TANC2: variants seen among roughly 807,000 people sequenced by gnomAD.
The protein encoded by TANC2 is tetratricopeptide repeat, ankyrin repeat and coiled-coil containing 2.
TANC2 carries 26 observed loss-of-function variants against 210.5 expected under a neutral mutation model. The observed-to-expected ratio is 0.12, with a 90% CI of 0.09 to 0.17. TANC2 has a LOEUF of 0.17. Among genes scored for constraint, TANC2 ranks in the 10% least tolerant of loss-of-function variants. The pLI is 1.00. For synonymous variants in TANC2, 931 were observed against 967.1 expected (o/e 0.96, Z 0.69); for missense variants, 2,129 against 2,608.9 (o/e 0.82, Z 4.01).
At chr17:63,314,638 C>T (rs777212672) in exon 10 of TANC2, 5 of 1,613,784 alleles carry the variant, frequency 3.1e-6, no homozygotes, top group Middle Eastern at 1.6e-4. Context: ...TGAGACAGAT[C>T]GCCTCAGACA....
chr17:63,406,576 C>T (rs779407793), intron 21 of TANC2, among the ~76,000 whole-genome samples: 3 of 152,060 alleles, frequency 2.0e-5, no homozygotes, highest in African/African-American at 4.8e-5. Context: ...GTTCATCTTC[C>T]GGGGATTGTG....
chr17:63,071,239 A>T (rs1226680144), intron 2 of TANC2, among the ~76,000 whole-genome samples: 1 of 152,154 alleles, frequency 6.6e-6, no homozygotes, highest in Non-Finnish European at 1.5e-5. Flanking sequence ...TTAGTTACCT[A>T]AGCATGGGTA....
At chr17:63,283,160 C>T (rs570025624) in intron 9 of TANC2, among the ~76,000 whole-genome samples, 11 of 151,872 alleles carry the variant, frequency 7.2e-5, no homozygotes, top group South Asian at 2.1e-4. Context: ...TTTTTCTTTT[C>T]GGTTTCTTCT....
intron 9 of TANC2, among the ~76,000 whole-genome samples, chr17:63,286,497 C>T (rs1201357698): frequency 6.6e-6 from 1 of 152,024 alleles, no homozygotes; most frequent in Non-Finnish European, 1.5e-5. Flanking sequence ...TCCTTTGTTC[C>T]TCTGTACTTA....
chr17:63,402,929 A>G (rs1008221810), intron 19 of TANC2, among the ~76,000 whole-genome samples: 1 of 152,248 alleles, frequency 6.6e-6, no homozygotes, highest in African/African-American at 2.4e-5. Flanking sequence ...TCCATTTTAC[A>G]TAGTTGTGTT....
intron 22 of TANC2, 143 bp from the exon 23 acceptor site, chr17:63,411,855 T>C (rs1031033617): frequency 3.5e-6 from 5 of 1,414,680 alleles, no homozygotes; most frequent in Non-Finnish European, 4.8e-6. Flanking sequence ...AGATCAAGGA[T>C]ATAGCTAAGG....
intron 7 of TANC2, among the ~76,000 whole-genome samples, chr17:63,216,405 G>C (rs948548977): frequency 6.6e-6 from 1 of 152,110 alleles, no homozygotes; most frequent in Non-Finnish European, 1.5e-5. Flanking sequence ...TTATTCCTGA[G>C]TTGTACCCTT....
intron 1 of TANC2, among the ~76,000 whole-genome samples, chr17:62,972,744 C>G (rs2031773159): frequency 6.6e-6 from 1 of 152,216 alleles, no homozygotes; most frequent in Non-Finnish European, 1.5e-5. Flanking sequence ...TCTTTAGACT[C>G]ATTGCCTGCC....
In TANC2 at chr17:63,418,765, C is replaced by T. The variant is rs752613853; in HGVS notation, c.4268+358C>T. Among the ~76,000 whole-genome samples the T allele has an allele frequency of 2.6e-5, 4 of 152,208 alleles. No homozygotes were observed. Among genetic ancestry groups the T allele is most frequent in the South Asian group, 4.1e-4 (2 of 4,830 alleles). ...TCACTTAAGCAGAGCACCCCACCCC[C>T]GCTTTAGAGGGAAAGTAGGATGGTT... On this transcript the variant is annotated intron_variant, in intron 27 of 27. Coordinates refer to ENST00000689528, the Ensembl canonical transcript of TANC2. The surrounding 1 kb of genome is among the most constrained non-coding windows in gnomAD (Gnocchi z 4.6).
chr17:63,308,044 G>T (rs1030925378), intron 9 of TANC2, among the ~76,000 whole-genome samples: 2 of 151,984 alleles, frequency 1.3e-5, no homozygotes, highest in African/African-American at 4.8e-5. Context: ...GGATTACAGG[G>T]GTGAGCCACG....
At chr17:63,184,626 T>C (rs901985702) in intron 5 of TANC2, among the ~76,000 whole-genome samples, 4 of 152,034 alleles carry the variant, frequency 2.6e-5, no homozygotes, top group African/African-American at 4.8e-5. Flanking sequence ...TTCTGAACTT[T>C]ATATAAATAA....
chr17:63,347,740 A>G (rs1338048879), intron 12 of TANC2, among the ~76,000 whole-genome samples: 3 of 152,278 alleles, frequency 2.0e-5, no homozygotes, highest in South Asian at 4.1e-4. Flanking sequence ...TGCTTTAGCT[A>G]CCAATATGAA....
intron 7 of TANC2, among the ~76,000 whole-genome samples, chr17:63,220,378 G>A (rs1277544810): frequency 1.3e-5 from 2 of 151,658 alleles, no homozygotes; most frequent in Non-Finnish European, 2.9e-5. Flanking sequence ...ATTTTAGTGA[G>A]AAAAGGCTAT....
intron 9 of TANC2, among the ~76,000 whole-genome samples, chr17:63,282,412 T>C (rs1477809767): frequency 6.6e-6 from 1 of 152,014 alleles, no homozygotes; most frequent in Non-Finnish European, 1.5e-5. Flanking sequence ...AAGCACAACT[T>C]ACCAAAACTA....
At chr17:63,091,103 G>A (rs1344746816) in intron 3 of TANC2, among the ~76,000 whole-genome samples, 1 of 151,764 alleles carries the variant, frequency 6.6e-6, no homozygotes, top group Non-Finnish European at 1.5e-5. Flanking sequence ...GTAGATTCTG[G>A]ATATTAGCCC....
chr17:63,334,282 T>G (rs936189720), intron 11 of TANC2, among the ~76,000 whole-genome samples: 7 of 152,304 alleles, frequency 4.6e-5, no homozygotes, highest in African/African-American at 1.4e-4. Context: ...AGAACATCTT[T>G]TGGTGCCAAA....
intron 21 of TANC2, among the ~76,000 whole-genome samples, chr17:63,410,057 C>T (rs914454833): frequency 1.3e-5 from 2 of 152,182 alleles, no homozygotes; most frequent in African/African-American, 2.4e-5. Context: ...ATCAGATTTT[C>T]AGATGAGGGA....
chr17:63,052,162 T>G (rs1399081784), intron 2 of TANC2, among the ~76,000 whole-genome samples: 1 of 152,162 alleles, frequency 6.6e-6, no homozygotes, highest in East Asian at 1.9e-4. Flanking sequence ...AAGATTCCAT[T>G]TGTTTAGTAT....
exon 13 of TANC2, chr17:63,351,319 C>T (rs1323343392): frequency 1.2e-6 from 2 of 1,609,364 alleles, no homozygotes; most frequent in East Asian, 2.2e-5. Flanking sequence ...TTTCACAAAC[C>T]GGATTATGGG....
Sources: allele counts gnomAD v4.1 joint callset (sites outside exome capture counted in the v4.1 genomes callset), GRCh38; gene constraint gnomAD v4.1.1; non-coding constraint Gnocchi (gnomAD v3.1); transcripts MANE v1.5; gene names NCBI Gene and HGNC (gene_info 2026-07-23, HGNC 2026-07-21).